The following XIRP2 variants were observed in gnomAD, a reference collection of about 807,000 sequenced individuals.
XIRP2 encodes the protein xin actin-binding repeat-containing protein 2.
In XIRP2, 236 loss-of-function variants were observed where a neutral mutation model predicts 277.0. That is an observed-to-expected ratio of 0.85 (90% CI 0.77 to 0.95). XIRP2 has a LOEUF of 0.95. Ranked by LOEUF, XIRP2 falls within the 40% of genes least tolerant of loss-of-function variation. The pLI is 0.00. For synonymous variants in XIRP2, 1,490 were observed against 1,416.5 expected, an observed-to-expected ratio of 1.05 and a Z score of -1.17; for missense variants, 4,640 against 4,157.5, an observed-to-expected ratio of 1.12 and a Z score of -3.19.
intron 2 of XIRP2, among the ~76,000 whole-genome samples, chr2:167,072,145 T>C (rs373817665): frequency 1.3e-5 from 2 of 152,162 alleles, no homozygotes; most frequent in South Asian, 2.1e-4. Flanking sequence ...GTTTATGTAA[T>C]AGAGTGTGTG....
rs75422885 is a variant in XIRP2, at chr2:167,239,898, A to T, written c.902A>T (p.Gln301Leu). The T allele has an allele frequency of 2.4e-3, 3,937 of 1,610,318 alleles. 103 individuals are homozygous for T. The African/African-American group carries it at 0.047, about 19-fold the overall frequency. ...CAGGTTGGCACTTCAAGAAGCAGCC[A>T]GGAAATGGCAAGAAATGAACAAGAA... ...SSQVGTSRSS[Q>L]EMARNEQEGS... Residue 301 changes from glutamine (Q) to leucine (L), a missense_variant, in exon 6 of 11, where the codon CAG (glutamine) becomes CTG (leucine). Gln to Leu is a moderately radical substitution (Grantham distance 113). Transcript: ENST00000409195.
intron 2 of XIRP2, among the ~76,000 whole-genome samples, chr2:167,082,415 T>C (rs1273130259): frequency 6.6e-6 from 1 of 151,982 alleles, no homozygotes; most frequent in African/African-American, 2.4e-5. Flanking sequence ...TACATGTGCA[T>C]GTGTCTTTAT....
chr2:167,046,238 A>G (rs1476756180), intron 2 of XIRP2, among the ~76,000 whole-genome samples: 1 of 151,908 alleles, frequency 6.6e-6, no homozygotes, highest in Non-Finnish European at 1.5e-5. Context: ...GAAGTTGTTT[A>G]TCAGTTCTAG....
At chr2:167,132,320 A>G (rs1691400805) in intron 2 of XIRP2, among the ~76,000 whole-genome samples, 4 of 152,140 alleles carry the variant, frequency 2.6e-5, no homozygotes, top group Admixed American at 2.6e-4. Context: ...AGCTAGGGAC[A>G]AATGCTCCTG....
At chr2:167,222,264 C>A (rs571366193) in intron 5 of XIRP2, among the ~76,000 whole-genome samples, 68 of 152,286 alleles carry the variant, frequency 4.5e-4, no homozygotes, top group Non-Finnish European at 8.1e-4. Flanking sequence ...ATAGTTCTGC[C>A]TGTTAAACAG....
chr2:167,072,626 A>G (rs923105355), intron 2 of XIRP2, among the ~76,000 whole-genome samples: 1 of 152,176 alleles, frequency 6.6e-6, no homozygotes, highest in Middle Eastern at 3.2e-3. Context: ...TAAATACTTC[A>G]TTTGAACTCT....
At chr2:167,144,017 A>T (rs1215224631) in intron 3 of XIRP2, among the ~76,000 whole-genome samples, 3 of 152,102 alleles carry the variant, frequency 2.0e-5, no homozygotes, top group Non-Finnish European at 2.9e-5. Context: ...GACATTTAAT[A>T]TTAGAAATAC....
intron 2 of XIRP2, among the ~76,000 whole-genome samples, chr2:166,947,632 T>C (rs1242925069): frequency 1.3e-5 from 2 of 152,132 alleles, no homozygotes; most frequent in South Asian, 2.1e-4. Flanking sequence ...CTGTGAGAAA[T>C]AGGACCTTTC....
intron 3 of XIRP2, among the ~76,000 whole-genome samples, chr2:167,179,510 C>G (rs113133603): frequency 6.6e-6 from 1 of 151,804 alleles, no homozygotes; most frequent in African/African-American, 2.4e-5. Context: ...TTAGTAGTGA[C>G]AGGGTTTCAC....
At chr2:167,038,059 C>T (rs188682880) in intron 2 of XIRP2, among the ~76,000 whole-genome samples, 233 of 151,974 alleles carry the variant, frequency 1.5e-3, no homozygotes, top group African/African-American at 5.3e-3. Context: ...TTTCAATTTT[C>T]GTATAGAAGT....
chr2:167,197,172 AG>A (rs1693544979), intron 3 of XIRP2, among the ~76,000 whole-genome samples: 1 of 152,208 alleles, frequency 6.6e-6, no homozygotes, highest in Non-Finnish European at 1.5e-5. Flanking sequence ...GGAGAGTCAC[AG>A]GTTTACATGC....
intron 2 of XIRP2, among the ~76,000 whole-genome samples, chr2:167,090,045 A>C (rs1310427355): frequency 6.6e-6 from 1 of 152,164 alleles, no homozygotes; most frequent in Non-Finnish European, 1.5e-5. Flanking sequence ...TCTATAAATC[A>C]GATCAAATGC....
intron 2 of XIRP2, among the ~76,000 whole-genome samples, chr2:167,089,626 G>C (rs1446507731): frequency 6.6e-6 from 1 of 151,204 alleles, no homozygotes; most frequent in African/African-American, 2.4e-5. Flanking sequence ...AAATGTGTGT[G>C]GGGGGGTGTA....
intron 3 of XIRP2, among the ~76,000 whole-genome samples, 180 bp downstream of exon 3, chr2:167,136,242 A>G (rs1387940120): frequency 6.6e-6 from 1 of 152,194 alleles, no homozygotes; most frequent in Non-Finnish European, 1.5e-5. Flanking sequence ...TATCCTTATT[A>G]TATTTTAATT....
chr2:167,201,751 T>C (rs1490574599), intron 3 of XIRP2, among the ~76,000 whole-genome samples: 2 of 152,182 alleles, frequency 1.3e-5, no homozygotes, highest in African/African-American at 4.8e-5. Flanking sequence ...CTGAAGTCAA[T>C]GTCTAGAAAG....
intron 2 of XIRP2, among the ~76,000 whole-genome samples, chr2:166,948,666 C>T (rs1685947343): frequency 6.6e-6 from 1 of 152,036 alleles, no homozygotes; most frequent in African/African-American, 2.4e-5. Context: ...ATCTGTACAA[C>T]TTTACTACTA....
chr2:167,013,459 G>A (rs977805616), intron 2 of XIRP2, among the ~76,000 whole-genome samples: 3 of 151,448 alleles, frequency 2.0e-5, no homozygotes, highest in Non-Finnish European at 4.4e-5. Flanking sequence ...TCTGGGAGAA[G>A]CTGAGATACT....
Position 167,242,738 on chromosome 2 carries a change from C to G in XIRP2, c.1346C>G (p.Thr449Arg), listed in dbSNP as rs1559037080. 1 of 1,614,018 alleles carries G rather than the reference C, an allele frequency of 6.2e-7. No individual in the cohort carries two copies. The highest frequency in any genetic ancestry group is 8.5e-7 in the Non-Finnish European group (1 of 1,179,918). ...ATTAATGCTACTTCTTCAGGAATGA[C>G]AGAAGAATTTCCTCCTCCCCCACCT... ...AQINATSSGMTEEFPPPPPDV... is the reference protein window; with the variant it reads ...AQINATSSGMREEFPPPPPDV... Residue 449 changes from threonine to arginine, a missense_variant, in exon 9 of 11, where the codon ACA becomes AGA. Thr to Arg is a moderately conservative substitution (Grantham distance 71). Transcript: ENST00000409195.
At chr2:166,898,308 G>C (rs989128176) in intron 1 of XIRP2, among the ~76,000 whole-genome samples, 1 of 152,100 alleles carries the variant, frequency 6.6e-6, no homozygotes. Context: ...AGAGGTCGTA[G>C]ATTAAAAACT....
Sources: allele counts gnomAD v4.1 joint callset (sites outside exome capture counted in the v4.1 genomes callset), GRCh38; gene constraint gnomAD v4.1.1; transcripts MANE v1.5; gene names NCBI Gene and HGNC (gene_info 2026-07-23, HGNC 2026-07-21).